MPP1: variants seen among roughly 807,000 people sequenced by gnomAD.
MPP1 encodes the protein 55 kDa erythrocyte membrane protein.
In MPP1, 6 loss-of-function variants were observed where a neutral mutation model predicts 38.2. That is an observed-to-expected ratio of 0.16 (90% CI 0.09 to 0.31). MPP1 has a LOEUF of 0.31. Ranked by LOEUF, MPP1 falls within the 10% of genes least tolerant of loss-of-function variation. MPP1 has a pLI of 1.00. For missense variants in MPP1, 293 were observed against 368.9 expected, an observed-to-expected ratio of 0.79 and a Z score of 1.69; for synonymous variants, 153 against 146.3, an observed-to-expected ratio of 1.05 and a Z score of -0.33.
chrX:154,804,895 G>A, intron 1 of MPP1: 1 of 361,612 alleles, frequency 2.8e-6, no homozygotes, highest in Non-Finnish European at 5.4e-6. Flanking sequence ...CATTTCTGCT[G>A]ACCCAAACAC....
At chrX:154,796,339 C>A (rs782002652) in intron 1 of MPP1, among the ~76,000 whole-genome samples, 1 of 110,918 alleles carries the variant, frequency 9.0e-6, no homozygotes, top group South Asian at 3.8e-4. Context: ...CCATGTTGGC[C>A]AGACTGGTCT....
chrX:154,805,307 G>A lies in MPP1; in HGVS notation c.67C>T (p.Leu23=), dbSNP rs1557269050. 9.1e-6 allele frequency: 11 copies of A among 1,207,970 alleles called. No individual in the cohort carries two copies. Among genetic ancestry groups the A allele is most frequent in the Non-Finnish European group, 1.1e-5 (10 of 893,363 alleles). The change falls in exon 1 of 12, where the codon CTG becomes TTG. Residue 23 remains leucine (L), a synonymous_variant. Coordinates refer to ENST00000369534, the MANE Select transcript of MPP1 (RefSeq NM_002436.4). The part of the protein sequence containing the change: ...SMHTALSDLY[L]EHLLQKRSRP... ...CTACGCTTCTGCAGCAAATGCTCCAGGTAGAGGTCGGAGAGCGCCGTGTGC... is the reference window on the plus strand; with the variant it reads ...CTACGCTTCTGCAGCAAATGCTCCAAGTAGAGGTCGGAGAGCGCCGTGTGC...
chrX:154,797,489 G>A (rs1381231786), intron 1 of MPP1, among the ~76,000 whole-genome samples: 2 of 111,737 alleles, frequency 1.8e-5, no homozygotes, highest in African/African-American at 6.5e-5. Context: ...ACAGGATAGG[G>A]AACCCAGAAA....
intron 1 of MPP1, among the ~76,000 whole-genome samples, chrX:154,797,718 C>A (rs781932248): frequency 2.7e-5 from 3 of 111,800 alleles, no homozygotes; most frequent in Non-Finnish European, 5.6e-5. Flanking sequence ...CAAAAAGTTC[C>A]TATACATGAC....
At chrX:154,785,669 C>A (rs1221135777) in intron 6 of MPP1, among the ~76,000 whole-genome samples, 1 of 112,363 alleles carries the variant, frequency 8.9e-6, no homozygotes, top group Non-Finnish European at 1.9e-5. Context: ...TTTGCACAGG[C>A]AGAGGGAGGC....
At chrX:154,785,183 T>C in intron 6 of MPP1, 26 bp from the exon 7 acceptor site, 1 of 1,097,249 alleles carries the variant, frequency 9.1e-7, no homozygotes, top group South Asian at 2.1e-5. Flanking sequence ...AATCAAGGGG[T>C]CAGCTTTCCT....
intron 1 of MPP1, among the ~76,000 whole-genome samples, chrX:154,802,615 G>A (rs2072279599): frequency 1.8e-5 from 2 of 111,352 alleles, no homozygotes; most frequent in African/African-American, 3.3e-5. Context: ...ATACTGCTGT[G>A]AAGAACAAGG....
In MPP1 at chrX:154,778,779, A is replaced by G; in HGVS notation, c.*398T>C. ...GATGTGTCATTTTGGCATTATAGAA[A>G]GTTGCAGTTAAAAACGCTTTCTCCA... On this transcript the variant is annotated 3_prime_UTR_variant, in exon 12 of 12. Transcript: ENST00000369534. 1 of 141,808 alleles carries G rather than the reference A, an allele frequency of 7.1e-6. No individual in the cohort carries two copies. Among genetic ancestry groups the G allele is most frequent in the Non-Finnish European group, 1.4e-5 (1 of 71,692 alleles). The allele number at this position is 141,808 out of a possible 1,213,427, so 11.7% of individuals were successfully genotyped here. A position where few individuals can be genotyped will look rare whatever the true frequency, so the allele number is the denominator to read the frequency against.
At position 154,790,907 on chromosome X, in the gene MPP1, G is replaced by A. The variant is rs782586811; in HGVS notation, c.411+76C>T. On this transcript the variant is annotated intron_variant, in intron 4 of 11. Transcript: ENST00000369534. ...GGTACAAATACTTTGACAGAGAGATGAGGTCACTGATACCAATGTGGATCA... is the reference window on the plus strand; with the variant it reads ...GGTACAAATACTTTGACAGAGAGATAAGGTCACTGATACCAATGTGGATCA... 3.4e-6 allele frequency: 3 copies of A among 886,541 alleles called. No homozygotes were observed. The Admixed American group carries it at 7.9e-5, about 23-fold the overall frequency. 73.1% of individuals were successfully genotyped at this position (886,541 alleles called of 1,213,427 possible). A position where few individuals can be genotyped will look rare whatever the true frequency, so the allele number is the denominator to read the frequency against.
intron 11 of MPP1, among the ~76,000 whole-genome samples, chrX:154,780,679 A>T (rs2071981611): frequency 8.9e-6 from 1 of 112,596 alleles, no homozygotes; most frequent in Non-Finnish European, 1.9e-5. Flanking sequence ...AGGGCTATTG[A>T]CTGCAGTATT....
At chrX:154,784,643 C>T (rs2072047521) in intron 7 of MPP1, 2 of 245,601 alleles carry the variant, frequency 8.1e-6, no homozygotes, top group African/African-American at 2.9e-5. Context: ...GAAAGCTGAC[C>T]GTGCGAATTC....
chrX:154,790,466 G>A (rs1014631312), intron 4 of MPP1, among the ~76,000 whole-genome samples: 1 of 107,274 alleles, frequency 9.3e-6, no homozygotes, highest in Non-Finnish European at 1.9e-5. Context: ...AGGAGGCGGA[G>A]GTTGCAGTGA....
rs2072120486 is a variant in MPP1, at chrX:154,789,876, T to C, written c.480+78A>G. On this transcript the variant is annotated intron_variant, in intron 5 of 11. Transcript: ENST00000369534. ...CTTAAAGTTAGACTCACATCCCTTATAATCAAATTTCAAAGAATATAAGAC... is the reference window on the plus strand; with the variant it reads ...CTTAAAGTTAGACTCACATCCCTTACAATCAAATTTCAAAGAATATAAGAC... 9.6e-6 allele frequency: 7 copies of C among 732,276 alleles called. No individual in the cohort carries two copies. The Admixed American group carries it at 1.4e-4, about 14-fold the overall frequency. The allele number at this position is 732,276 out of a possible 1,213,427, so 60.3% of individuals were successfully genotyped here.
intron 5 of MPP1, among the ~76,000 whole-genome samples, chrX:154,789,052 C>T (rs782361024): frequency 1.9e-4 from 21 of 111,466 alleles, no homozygotes; most frequent in African/African-American, 3.3e-4. Context: ...GAGGGGGCGG[C>T]GGTCTTAGGC....
At chrX:154,781,335 G>A (rs782645293) in intron 10 of MPP1, 22 bp from the exon 11 acceptor site, 97 of 1,032,773 alleles carry the variant, frequency 9.4e-5, no homozygotes, top group South Asian at 9.1e-4. Flanking sequence ...AAAGAAGGGC[G>A]GCGGGGAGGG....
intron 1 of MPP1, among the ~76,000 whole-genome samples, chrX:154,803,939 A>G (rs781798744): frequency 2.2e-3 from 246 of 112,530 alleles, no homozygotes; most frequent in African/African-American, 7.3e-3. Context: ...ATGGGGAATC[A>G]GGTAACAGAA....
intron 1 of MPP1, among the ~76,000 whole-genome samples, chrX:154,796,105 C>CTT (rs149231473): frequency 6.8e-5 from 7 of 103,486 alleles, no homozygotes; most frequent in South Asian, 8.6e-4. Flanking sequence ...ATTTCTTTCT[C>CTT]TTTGTTTTTT....
rs782376251 is a variant in MPP1, at chrX:154,784,052, T to C, written c.841A>G (p.Lys281Glu). 2.5e-6 allele frequency: 3 copies of C among 1,210,420 alleles called. No homozygotes were observed. Among genetic ancestry groups the C allele is most frequent in the Non-Finnish European group, 2.2e-6 (2 of 894,827 alleles). ...YEEVVRLPAF[K>E]RKTLVLIGAS... The stretch of plus-strand genomic sequence containing the variant: ...CCGATCAGCACCAGGGTCTTCCTCT[T>C]GAATGCAGGGAGCCGAACGACTTCC... The change falls in exon 8 of 12, where the codon AAG (lysine) becomes GAG (glutamate). Residue 281 changes from lysine to glutamate, a missense_variant. Physicochemically the swap from Lys to Glu is moderately conservative, Grantham distance 56 (BLOSUM62 1). Coordinates refer to ENST00000369534, the MANE Select transcript of MPP1 (RefSeq NM_002436.4).
intron 11 of MPP1, among the ~76,000 whole-genome samples, chrX:154,779,716 TTTG>T (rs1279865348): frequency 8.9e-6 from 1 of 111,825 alleles, no homozygotes. Context: ...TAAAGGTGAT[TTTG>T]TTGTTTTGTT....
Sources: gnomAD v4.1 joint callset for allele counts (sites outside exome capture counted in the v4.1 genomes callset) on GRCh38, gnomAD v4.1.1 for gene constraint, MANE v1.5 for transcripts, NCBI Gene and HGNC (gene_info 2026-07-23, HGNC 2026-07-21) for gene names.